Variants in NKAIN3 observed in about 807,000 individuals in gnomAD.
NKAIN3 encodes sodium/potassium transporting ATPase interacting 3.
In NKAIN3, 25 loss-of-function variants were observed where a neutral mutation model predicts 30.2. The observed-to-expected ratio is 0.83, with a 90% CI of 0.60 to 1.16. The LOEUF (loss-of-function observed/expected upper bound fraction) is 1.16. Ranked by LOEUF, NKAIN3 falls within the 50% of genes most tolerant of loss-of-function variation. The pLI, the probability that NKAIN3 is intolerant of heterozygous loss-of-function variation, is 0.00. For missense variants in NKAIN3, 225 were observed against 254.1 expected (o/e 0.89, Z 0.78); for synonymous variants, 91 against 89.6 (o/e 1.02, Z -0.09).
chr8:62,534,213 A>G (rs1808577749), intron 1 of NKAIN3, among the ~76,000 whole-genome samples: 1 of 152,174 alleles, frequency 6.6e-6, no homozygotes, highest in African/African-American at 2.4e-5. Context: ...GAGCGTGCAC[A>G]GGAAGCCCGG....
intron 1 of NKAIN3, among the ~76,000 whole-genome samples, chr8:62,306,565 TG>T (rs1814248445): frequency 6.8e-6 from 1 of 147,810 alleles, no homozygotes; most frequent in African/African-American, 2.6e-5. Flanking sequence ...TGTGTGTGTG[TG>T]TGTGTGTGTG....
chr8:62,326,712 A>G (rs1815147271), intron 1 of NKAIN3, among the ~76,000 whole-genome samples: 1 of 151,944 alleles, frequency 6.6e-6, no homozygotes, highest in African/African-American at 2.4e-5. Context: ...GTCAGTGGGC[A>G]TTTCAGTTTC....
chr8:62,776,648 T>C (rs1318459564), intron 4 of NKAIN3, among the ~76,000 whole-genome samples: 1 of 152,182 alleles, frequency 6.6e-6, no homozygotes, highest in Non-Finnish European at 1.5e-5. Context: ...TTATACCTTA[T>C]TGTATACCCT....
intron 1 of NKAIN3, among the ~76,000 whole-genome samples, chr8:62,310,875 T>G (rs1320329): frequency 0.97 from 145,896 of 150,066 alleles, 71,166 homozygotes; most frequent in East Asian, 1. Context: ...ATGACACTAG[T>G]ATCACTCCAA....
chr8:62,703,405 T>C (rs995823963), intron 3 of NKAIN3, among the ~76,000 whole-genome samples: 1 of 152,194 alleles, frequency 6.6e-6, no homozygotes, highest in Non-Finnish European at 1.5e-5. Context: ...CATATTTTCC[T>C]GTATGTACCA....
chr8:62,948,476 G>T (rs985991461), intron 5 of NKAIN3, among the ~76,000 whole-genome samples: 1 of 152,114 alleles, frequency 6.6e-6, no homozygotes, highest in Non-Finnish European at 1.5e-5. Context: ...GGGATTACAG[G>T]CGTGAGCCAC....
chr8:62,476,748 C>A (rs1338313105), intron 1 of NKAIN3, among the ~76,000 whole-genome samples: 1 of 152,148 alleles, frequency 6.6e-6, no homozygotes, highest in African/African-American at 2.4e-5. Context: ...AGCTACCATA[C>A]CCGGCCTCTA....
At chr8:62,655,889 C>A (rs1812749089) in intron 3 of NKAIN3, among the ~76,000 whole-genome samples, 1 of 151,994 alleles carries the variant, frequency 6.6e-6, no homozygotes, top group Admixed American at 6.6e-5. Context: ...GGATCATGAG[C>A]AAATATAGGG....
chr8:62,326,787 C>G (rs977459597), intron 1 of NKAIN3, among the ~76,000 whole-genome samples: 4 of 151,782 alleles, frequency 2.6e-5, no homozygotes, highest in Admixed American at 1.3e-4. Context: ...GTTTGAGCCA[C>G]TACTTTCAAT....
chr8:62,487,883 C>T (rs532483833), intron 1 of NKAIN3, among the ~76,000 whole-genome samples: 25 of 152,196 alleles, frequency 1.6e-4, no homozygotes, highest in Admixed American at 1.4e-3. Context: ...GGGTAGTATA[C>T]CAGGAAAATG....
intron 3 of NKAIN3, among the ~76,000 whole-genome samples, chr8:62,652,258 T>G (rs186709486): frequency 2.1e-3 from 317 of 152,294 alleles, no homozygotes; most frequent in South Asian, 0.012. Context: ...GCAATTTTTA[T>G]GGCAGATCCA....
intron 5 of NKAIN3, among the ~76,000 whole-genome samples, chr8:62,947,239 A>T (rs962514270): frequency 6.6e-6 from 1 of 152,168 alleles, no homozygotes; most frequent in African/African-American, 2.4e-5. Flanking sequence ...AAAATCTTAT[A>T]ATTATTAACC....
chr8:62,975,796 C>A lies in NKAIN3; in HGVS notation c.*10389C>A, dbSNP rs533768765. 6.6e-6 allele frequency among the ~76,000 whole-genome samples: 1 copy of A among 152,024 alleles called. No homozygotes were observed. The highest frequency in any genetic ancestry group is 2.4e-5 in the African/African-American group (1 of 41,410). ...TAGATTTTAGATGTTTAGATGTTTC[C>A]CACTTTCTCCTGTGAGCACTTAGGT... On this transcript the variant is annotated 3_prime_UTR_variant, in exon 7 of 7. Coordinates refer to ENST00000623646, the MANE Select transcript of NKAIN3 (RefSeq NM_001304533.3).
chr8:62,358,472 G>T (rs993223947), intron 1 of NKAIN3, among the ~76,000 whole-genome samples: 5 of 152,070 alleles, frequency 3.3e-5, no homozygotes, highest in African/African-American at 4.8e-5. Flanking sequence ...GTTAAGCGTA[G>T]ATATAAATGA....
At chr8:62,575,133 A>C (rs1200362098) in intron 1 of NKAIN3, among the ~76,000 whole-genome samples, 1 of 152,132 alleles carries the variant, frequency 6.6e-6, no homozygotes, top group Non-Finnish European at 1.5e-5. Flanking sequence ...CAATCAGATA[A>C]GAGAAGGAAA....
intron 5 of NKAIN3, among the ~76,000 whole-genome samples, chr8:62,941,867 C>A (rs747925883): frequency 1.3e-5 from 2 of 152,010 alleles, no homozygotes; most frequent in Admixed American, 6.6e-5. Flanking sequence ...CAAGGATGCC[C>A]ACTTTCACCA....
At chr8:62,990,529 A>G (rs1824301054) in intron 5 of NKAIN3, 2 of 326,428 alleles carry the variant, frequency 6.1e-6, no homozygotes, top group Non-Finnish European at 9.3e-6. Context: ...CCAATTTATG[A>G]TTTGTGAAAT....
rs962669647 is a variant in NKAIN3 at position 62,248,878 on chromosome 8, C to A, written c.-196C>A. ...CGCCAGACGCTCGGGTCGTGCGCAC[C>A]GCACTGACCTCGGCCCGCCCCGCCG... On this transcript the variant is annotated 5_prime_UTR_variant, in exon 1 of 7. Coordinates refer to ENST00000623646, the MANE Select transcript of NKAIN3 (RefSeq NM_001304533.3). 5.6e-6 allele frequency: 3 copies of A among 538,898 alleles called. No individual in the cohort carries two copies. Among genetic ancestry groups the A allele is most frequent in the Non-Finnish European group, 9.6e-6 (3 of 312,416 alleles). The allele number at this position is 538,898 out of a possible 1,614,324, so 33.4% of individuals were successfully genotyped here.
At chr8:62,403,807 G>T (rs1803966686) in intron 1 of NKAIN3, among the ~76,000 whole-genome samples, 1 of 152,228 alleles carries the variant, frequency 6.6e-6, no homozygotes, top group African/African-American at 2.4e-5. Context: ...GCACTGCCTG[G>T]TGTAGCTGTA....
Sources: gnomAD v4.1 joint callset for allele counts (sites outside exome capture counted in the v4.1 genomes callset) on GRCh38, gnomAD v4.1.1 for gene constraint, MANE v1.5 for transcripts, NCBI Gene and HGNC (gene_info 2026-07-23, HGNC 2026-07-21) for gene names.